GRAMD1B: variants seen among roughly 807,000 people sequenced by gnomAD.
GRAMD1B encodes the protein protein Aster-B.
Under a neutral mutation model 99.7 loss-of-function variants are expected in GRAMD1B, and 37 were observed. That is an observed-to-expected ratio of 0.37 (90% CI 0.29 to 0.49). GRAMD1B has a LOEUF of 0.49. Ranked by LOEUF, GRAMD1B falls within the 20% of genes least tolerant of loss-of-function variation. The pLI is 0.98. For synonymous variants in GRAMD1B, 427 were observed against 387.6 expected, an observed-to-expected ratio of 1.10 and a Z score of -1.19; for missense variants, 888 against 1,009.2, an observed-to-expected ratio of 0.88 and a Z score of 1.63.
intron 2 of GRAMD1B, among the ~76,000 whole-genome samples, chr11:123,506,889 T>A (rs1940491201): frequency 6.6e-6 from 1 of 152,166 alleles, no homozygotes; most frequent in Admixed American, 6.5e-5. Flanking sequence ...AACTTCTAGG[T>A]TGTCTACTCT....
chr11:123,525,931 A>C, intron 2 of GRAMD1B: 1 of 582,154 alleles, frequency 1.7e-6, no homozygotes, highest in Admixed American at 3.0e-5. Context: ...CTTTGCCTCC[A>C]AGCCCAGCTT....
chr11:123,456,704 G>A (rs1473737741), intron 1 of GRAMD1B, among the ~76,000 whole-genome samples: 5 of 152,016 alleles, frequency 3.3e-5, no homozygotes, highest in African/African-American at 1.2e-4. Flanking sequence ...CAGATCACTT[G>A]AGGTCAGGAG....
At chr11:123,414,478 T>TA (rs2135987257) in intron 1 of GRAMD1B, among the ~76,000 whole-genome samples, 1 of 152,328 alleles carries the variant, frequency 6.6e-6, no homozygotes, top group East Asian at 1.9e-4. Context: ...TCTGTGATAG[T>TA]ACCAGTATTA....
intron 16 of GRAMD1B, among the ~76,000 whole-genome samples, chr11:123,614,370 A>G (rs1351742338): frequency 2.0e-5 from 3 of 152,218 alleles, no homozygotes; most frequent in Admixed American, 6.5e-5. Context: ...GAGAGCTTAC[A>G]TGACTTGTCC....
chr11:123,560,561 T>TTCC, intron 2 of GRAMD1B: 4 of 794,292 alleles, frequency 5.0e-6, no homozygotes, highest in Admixed American at 2.4e-5. Context: ...GGGCCCCCGC[T>TTCC]CCCCGCCCCC....
At chr11:123,437,731 C>A (rs1026966539) in intron 1 of GRAMD1B, among the ~76,000 whole-genome samples, 3 of 152,220 alleles carry the variant, frequency 2.0e-5, no homozygotes, top group Non-Finnish European at 4.4e-5. Flanking sequence ...CTGGTGCCAG[C>A]CTAGCTGGCG....
chr11:123,359,146 G>A (rs9666197), intron 1 of GRAMD1B, among the ~76,000 whole-genome samples: 37,852 of 151,788 alleles, frequency 0.25, 4,920 homozygotes, highest in African/African-American at 0.32. Flanking sequence ...GAGAGGACAG[G>A]GTTGGTTGAG....
intron 2 of GRAMD1B, among the ~76,000 whole-genome samples, chr11:123,550,305 C>A (rs1945484974): frequency 6.6e-6 from 1 of 152,188 alleles, no homozygotes; most frequent in South Asian, 2.1e-4. Flanking sequence ...GAGGTAACAG[C>A]AGCCCAGGGC....
intron 2 of GRAMD1B, among the ~76,000 whole-genome samples, chr11:123,512,829 G>A (rs1271304361): frequency 4.0e-5 from 6 of 150,456 alleles, no homozygotes; most frequent in Non-Finnish European, 8.8e-5. Flanking sequence ...GAGGGTCCAC[G>A]AGCCCCCTTC....
chr11:123,567,431 G>A (rs908265285), intron 2 of GRAMD1B, among the ~76,000 whole-genome samples: 1 of 152,208 alleles, frequency 6.6e-6, no homozygotes, highest in African/African-American at 2.4e-5. Context: ...AGCATTATCA[G>A]TGTTTTCAAA....
intron 1 of GRAMD1B, among the ~76,000 whole-genome samples, chr11:123,455,835 A>G (rs1248993578): frequency 6.6e-6 from 1 of 152,060 alleles, no homozygotes; most frequent in African/African-American, 2.4e-5. Context: ...TCTGTTTATT[A>G]CTGTGTTCCC....
At chr11:123,599,336 A>G (rs943423551) in intron 7 of GRAMD1B, 10 of 701,294 alleles carry the variant, frequency 1.4e-5, no homozygotes, top group Non-Finnish European at 2.7e-5. Flanking sequence ...TGCAGTGATC[A>G]GAATTGATCT....
At chr11:123,570,985 CA>C (rs2136143162) in intron 2 of GRAMD1B, among the ~76,000 whole-genome samples, 1 of 152,236 alleles carries the variant, frequency 6.6e-6, no homozygotes, top group Admixed American at 6.5e-5. Context: ...GGGGGGCTGA[CA>C]GTCTGACTGG....
chr11:123,594,686 C>A, intron 5 of GRAMD1B, 49 bp from the exon 6 acceptor site: 1 of 989,440 alleles, frequency 1.0e-6, no homozygotes, highest in Non-Finnish European at 1.6e-6. Flanking sequence ...AGTGGTTTGC[C>A]GAAAATGCTT....
chr11:123,613,702 C>G, intron 16 of GRAMD1B, 44 bp downstream of exon 16: 1 of 1,482,028 alleles, frequency 6.7e-7, no homozygotes, highest in Non-Finnish European at 9.4e-7. Context: ...AAGCTTTGGG[C>G]TGGAGCTGCA....
intron 1 of GRAMD1B, among the ~76,000 whole-genome samples, chr11:123,364,445 G>A (rs1231588097): frequency 2.0e-5 from 3 of 152,244 alleles, no homozygotes; most frequent in Non-Finnish European, 2.9e-5. Context: ...AGGATTGACA[G>A]TCTATTAAGG....
chr11:123,435,310 A>C, intron 1 of GRAMD1B: 1 of 647,000 alleles, frequency 1.5e-6, no homozygotes, highest in Non-Finnish European at 2.8e-6. Flanking sequence ...ATTCAGCGTG[A>C]TGTGGTAGAA....
chr11:123,435,403 G>GTTTA (rs1178040829), intron 1 of GRAMD1B: 1 of 699,236 alleles, frequency 1.4e-6, no homozygotes, highest in Non-Finnish European at 2.6e-6. Context: ...TTGTTTGTTT[G>GTTTA]TTTGTTTTTT....
chr11:123,527,110 G>A (rs1265035904), intron 2 of GRAMD1B, among the ~76,000 whole-genome samples: 1 of 152,152 alleles, frequency 6.6e-6, no homozygotes, highest in Non-Finnish European at 1.5e-5. Context: ...GTGGGAGGAG[G>A]AGGATGAGCT....
Sources: allele counts gnomAD v4.1 joint callset (sites outside exome capture counted in the v4.1 genomes callset), GRCh38; gene constraint gnomAD v4.1.1; transcripts MANE v1.5; gene names NCBI Gene and HGNC (gene_info 2026-07-23, HGNC 2026-07-21).